Variants in CCR5AS observed in about 807,000 individuals in gnomAD.
CCR5AS encodes CCR5 antisense RNA.
rs1015154375 is a variant in CCR5AS at position 46,377,426 on chromosome 3, T to C, written n.392-6009A>G. Among the ~76,000 whole-genome samples, 35 of 152,208 alleles carry C rather than the reference T, an allele frequency of 2.3e-4. 1 individual carries two copies. Among genetic ancestry groups the C allele is most frequent in the African/African-American group, 7.0e-4 (29 of 41,444 alleles). ...AAAGTCAAAGTAGAGGTGACTGTCC[T>C]TAGGAAGAGTAATGTGAAAATTCAT... is the stretch of plus-strand genomic sequence containing the variant. On this transcript the variant is annotated intron_variant and non_coding_transcript_variant, in intron 2 of 3. Transcript: ENST00000451485.
chr3:46,381,279 C>G (rs139002727), intron 2 of CCR5AS, among the ~76,000 whole-genome samples: 5 of 152,238 alleles, frequency 3.3e-5, no homozygotes, highest in African/African-American at 1.2e-4. Context: ...GATTCTTCTC[C>G]CCCCATTTCC....
intron 2 of CCR5AS, among the ~76,000 whole-genome samples, chr3:46,385,282 G>T (rs1186734915): frequency 2.0e-5 from 3 of 152,204 alleles, no homozygotes; most frequent in Non-Finnish European, 4.4e-5. Flanking sequence ...CAAGATGGTA[G>T]TATTGAGACA....
chr3:46,391,081 A>G (rs1464619359), intron 2 of CCR5AS, among the ~76,000 whole-genome samples: 3 of 152,252 alleles, frequency 2.0e-5, no homozygotes, highest in Non-Finnish European at 4.4e-5. Context: ...GCCTTGGGCC[A>G]GAGTTCCAGG....
chr3:46,402,697 T>G (rs1440425694), intron 1 of CCR5AS, among the ~76,000 whole-genome samples: 2 of 152,248 alleles, frequency 1.3e-5, no homozygotes, highest in African/African-American at 4.8e-5. Flanking sequence ...TCTCTTTTTT[T>G]GAAATTTTCC....
At chr3:46,370,200 T>C (rs919933982) in intron 3 of CCR5AS, among the ~76,000 whole-genome samples, 3 of 152,198 alleles carry the variant, frequency 2.0e-5, no homozygotes, top group African/African-American at 7.2e-5. Flanking sequence ...TGGCATAGTG[T>C]GAGTCCTCAT....
At chr3:46,374,777 T>A (rs1378835950) in intron 2 of CCR5AS, 1 of 167,418 alleles carries the variant, frequency 6.0e-6, no homozygotes, top group Non-Finnish European at 1.5e-5. Flanking sequence ...GAAGGTTTAC[T>A]CTGTGGCCAA....
At chr3:46,370,765 A>G (rs897368664) in intron 3 of CCR5AS, 1 of 152,210 alleles carries the variant, frequency 6.6e-6, no homozygotes, top group Non-Finnish European at 1.5e-5. Context: ...CCCGTAAATA[A>G]ACCTTCAGAC....
chr3:46,384,486 C>G (rs1559572290), intron 2 of CCR5AS, among the ~76,000 whole-genome samples: 2 of 152,230 alleles, frequency 1.3e-5, no homozygotes, highest in East Asian at 3.8e-4. Flanking sequence ...TTACAGGTTG[C>G]TCTTTGCTAG....
At chr3:46,365,914 C>T (rs971119313) in intron 3 of CCR5AS, among the ~76,000 whole-genome samples, 1 of 152,224 alleles carries the variant, frequency 6.6e-6, no homozygotes, top group Non-Finnish European at 1.5e-5. Flanking sequence ...TCTCCAATCC[C>T]CACTCCCCCT....
intron 1 of CCR5AS, among the ~76,000 whole-genome samples, chr3:46,396,438 C>G (rs1397018677): frequency 2.6e-5 from 4 of 152,180 alleles, no homozygotes; most frequent in Non-Finnish European, 5.9e-5. Context: ...CATTTTCTAT[C>G]ATTCAGAGTA....
chr3:46,385,347 A>G (rs1701851814), intron 2 of CCR5AS, among the ~76,000 whole-genome samples: 1 of 152,246 alleles, frequency 6.6e-6, no homozygotes, highest in Admixed American at 6.5e-5. Context: ...CAGTTTGACT[A>G]GTAAAAAAGG....
intron 2 of CCR5AS, among the ~76,000 whole-genome samples, chr3:46,378,019 A>G (rs956813249): frequency 5.3e-5 from 8 of 152,158 alleles, no homozygotes; most frequent in African/African-American, 1.9e-4. Flanking sequence ...ACAAATCATG[A>G]ACTTTCTAAC....
intron 1 of CCR5AS, among the ~76,000 whole-genome samples, chr3:46,396,971 A>T (rs1172298469): frequency 6.6e-6 from 1 of 152,198 alleles, no homozygotes; most frequent in Admixed American, 6.5e-5. Flanking sequence ...AAATGTCACC[A>T]CCTTGAATTC....
At chr3:46,382,095 C>A (rs572075530) in intron 2 of CCR5AS, among the ~76,000 whole-genome samples, 16 of 152,300 alleles carry the variant, frequency 1.1e-4, no homozygotes, top group East Asian at 1.9e-4. Flanking sequence ...GAAGCTTGCA[C>A]GGGTGAATGC....
chr3:46,368,279 C>T (rs1018177179), intron 3 of CCR5AS, among the ~76,000 whole-genome samples: 4 of 152,030 alleles, frequency 2.6e-5, no homozygotes, highest in Admixed American at 2.0e-4. Flanking sequence ...ATGGGGTGTC[C>T]GAATGTACTT....
In CCR5AS at chr3:46,384,010, A is replaced by G. The variant is rs201157204; in HGVS notation, n.391+8815T>C. On this transcript the variant is annotated intron_variant and non_coding_transcript_variant, in intron 2 of 3. Transcript: ENST00000451485. ...ACCTGAGGTTTGTGGTCTCACGCCA[A>G]GGGAATCAAGGACTCAGGCACACAA... Among the ~76,000 whole-genome samples, 8 of 152,254 alleles carry G rather than the reference A, an allele frequency of 5.3e-5. No individual in the cohort carries two copies. The East Asian group carries it at 1.5e-3, about 29-fold the overall frequency.
intron 2 of CCR5AS, among the ~76,000 whole-genome samples, chr3:46,385,668 A>G (rs1430850717): frequency 6.6e-6 from 1 of 151,842 alleles, no homozygotes; most frequent in Non-Finnish European, 1.5e-5. Context: ...GAAGCCCCAA[A>G]CCCTACTGGG....
chr3:46,403,684 G>A (rs1471756019), intron 1 of CCR5AS, among the ~76,000 whole-genome samples: 3 of 152,228 alleles, frequency 2.0e-5, no homozygotes, highest in Non-Finnish European at 2.9e-5. Context: ...CTGCTGAGCA[G>A]GAAACTGCCC....
intron 1 of CCR5AS, among the ~76,000 whole-genome samples, chr3:46,397,685 C>T (rs1701972331): frequency 6.6e-6 from 1 of 152,236 alleles, no homozygotes; most frequent in Admixed American, 6.5e-5. Context: ...ATCAGCCAAA[C>T]ACAACTGAAA....
Sources: allele counts gnomAD v4.1 joint callset (sites outside exome capture counted in the v4.1 genomes callset), GRCh38; gene constraint gnomAD v4.1.1; transcripts MANE v1.5; gene names NCBI Gene and HGNC (gene_info 2026-07-23, HGNC 2026-07-21).